The following MMP16 variants were observed in gnomAD, a reference collection of about 807,000 sequenced individuals.
MMP16 encodes matrix metallopeptidase 16.
Under a neutral mutation model 67.8 loss-of-function variants are expected in MMP16, and 12 were observed. That is an observed-to-expected ratio of 0.18 (90% confidence interval 0.11 to 0.29). The LOEUF (loss-of-function observed/expected upper bound fraction) is 0.29. MMP16 is among the 10% of genes least tolerant of loss of function. The pLI, the probability that MMP16 is intolerant of heterozygous loss-of-function variation, is 1.00. For missense variants in MMP16, 475 were observed against 765.7 expected (o/e 0.62, Z 4.48); for synonymous variants, 249 against 255.9 (o/e 0.97, Z 0.26).
chr8:88,205,519 T>C (rs1283534949), intron 1 of MMP16, among the ~76,000 whole-genome samples: 1 of 152,190 alleles, frequency 6.6e-6, no homozygotes, highest in Non-Finnish European at 1.5e-5. Context: ...GCTTCTCTAA[T>C]TGCCAGTGCA....
At chr8:88,316,828 G>A (rs1811381873) in intron 1 of MMP16, among the ~76,000 whole-genome samples, 1 of 152,064 alleles carries the variant, frequency 6.6e-6, no homozygotes, top group African/African-American at 2.4e-5. Context: ...AAAACCTTCT[G>A]TAAAAGATTC....
chr8:88,269,276 T>C lies in MMP16; in HGVS notation c.132+57799A>G, dbSNP rs191000467. Among the ~76,000 whole-genome samples, 392 of 152,268 alleles carry C rather than the reference T, an allele frequency of 2.6e-3. 4 individuals carry two copies. In the Middle Eastern group the frequency reaches 0.031, roughly 12 times the overall value. ...TAAGGCATGTAAACCGGAGCACCAT[T>C]TACCCTGTTAAGGACACCATGGCCT... On this transcript the variant is annotated intron_variant, in intron 1 of 9. Transcript: ENST00000286614.
intron 1 of MMP16, among the ~76,000 whole-genome samples, chr8:88,303,233 A>G (rs761776837): frequency 1.3e-4 from 20 of 152,132 alleles, no homozygotes; most frequent in Non-Finnish European, 8.8e-5. Flanking sequence ...TAAGGGCCCC[A>G]CTTCCATAGC....
At chr8:88,160,963 G>A (rs560331545) in intron 4 of MMP16, among the ~76,000 whole-genome samples, 3 of 152,228 alleles carry the variant, frequency 2.0e-5, no homozygotes, top group African/African-American at 7.2e-5. Context: ...ATTTTATTGA[G>A]GATTTTTGCA....
At chr8:88,226,905 TATTTATTC>T (rs968819805) in intron 1 of MMP16, among the ~76,000 whole-genome samples, 8 of 150,366 alleles carry the variant, frequency 5.3e-5, no homozygotes, top group Non-Finnish European at 1.0e-4. Flanking sequence ...TTTATTTATT[TATTTATTC>T]TCTCGGAAAT....
At chr8:88,183,535 T>C (rs140334417) in intron 3 of MMP16, among the ~76,000 whole-genome samples, 2 of 152,270 alleles carry the variant, frequency 1.3e-5, no homozygotes, top group Admixed American at 1.3e-4. Context: ...CATCTTTTAC[T>C]TCCTTTTCTT....
rs147713516 is a variant in MMP16 at position 88,324,158 on chromosome 8, T to C, written c.132+2917A>G. On this transcript the variant is annotated intron_variant, in intron 1 of 9. Coordinates refer to ENST00000286614, the MANE Select transcript of MMP16 (RefSeq NM_005941.5). Reference sequence around the variant, plus strand: ...TCTTCCATAGTACTACTCCTGGTAGTGTCTGACCCTTTCTTAGCTGTAAGA... The same window carrying C: ...TCTTCCATAGTACTACTCCTGGTAGCGTCTGACCCTTTCTTAGCTGTAAGA... 2.2e-4 allele frequency among the ~76,000 whole-genome samples: 33 copies of C among 152,286 alleles called. No individual in the cohort carries two copies. The East Asian group carries it at 3.5e-3, about 16-fold the overall frequency.
chr8:88,092,341 T>A (rs1296606787), intron 6 of MMP16, among the ~76,000 whole-genome samples: 1 of 151,932 alleles, frequency 6.6e-6, no homozygotes, highest in Non-Finnish European at 1.5e-5. Flanking sequence ...CGTTCCTTTA[T>A]CTGTTTAAAC....
chr8:88,073,226 G>A lies in MMP16; in HGVS notation c.1222+1379C>T, dbSNP rs529608655. ...TCACTAAAATTCACAGCCTTTAGGT[G>A]GTATCCTTGCTTTGTCCACTGTGGT... On this transcript the variant is annotated intron_variant, in intron 7 of 9. Coordinates refer to ENST00000286614, the MANE Select transcript of MMP16 (RefSeq NM_005941.5). Among the ~76,000 whole-genome samples, 331 of 152,146 alleles carry A rather than the reference G, an allele frequency of 2.2e-3. 2 individuals are homozygous for A. Among genetic ancestry groups the A allele is most frequent in the Middle Eastern group, 3.2e-3 (1 of 316 alleles).
intron 4 of MMP16, among the ~76,000 whole-genome samples, chr8:88,149,132 C>T (rs199654646): frequency 1.3e-5 from 2 of 152,188 alleles, no homozygotes; most frequent in Non-Finnish European, 2.9e-5. Flanking sequence ...CACTCCCACC[C>T]GAATATTGCG....
intron 6 of MMP16, among the ~76,000 whole-genome samples, chr8:88,112,397 T>A (rs962598414): frequency 1.6e-4 from 24 of 151,760 alleles, no homozygotes; most frequent in Non-Finnish European, 3.4e-4. Flanking sequence ...AATGTTCTTA[T>A]CTTGTAGTCC....
chr8:88,259,699 G>C (rs181671218), intron 1 of MMP16, among the ~76,000 whole-genome samples: 22 of 152,114 alleles, frequency 1.4e-4, no homozygotes, highest in Admixed American at 1.4e-3. Context: ...GTTAACAACG[G>C]AACACTGATT....
Position 88,327,289 on chromosome 8 carries a change from A to C in MMP16, c.-83T>G. 2 of 1,528,016 alleles carry C rather than the reference A, an allele frequency of 1.3e-6. No individual in the cohort carries two copies. The highest frequency in any genetic ancestry group is 1.8e-6 in the Non-Finnish European group (2 of 1,120,058). 94.7% of individuals were successfully genotyped at this position (1,528,016 alleles called of 1,614,324 possible). ...CTCCCTCCCTCCCTCGTTTCCTTTC[A>C]AAAAAAAGTCCTCCGGGTGGGTAAG... On this transcript the variant is annotated 5_prime_UTR_variant, in exon 1 of 10. Coordinates refer to ENST00000286614, the MANE Select transcript of MMP16 (RefSeq NM_005941.5).
chr8:88,184,481 T>C (rs1809034304), intron 3 of MMP16, among the ~76,000 whole-genome samples: 1 of 143,318 alleles, frequency 7.0e-6, no homozygotes, highest in South Asian at 2.2e-4. Context: ...GTAATCTCTG[T>C]GCTTTGGAAA....
chr8:88,117,426 T>C (rs1275078229), intron 5 of MMP16, among the ~76,000 whole-genome samples: 1 of 152,136 alleles, frequency 6.6e-6, no homozygotes, highest in Non-Finnish European at 1.5e-5. Flanking sequence ...AAGAGATTCA[T>C]GTTTTTAAAA....
chr8:88,248,616 T>C (rs1396194362), intron 1 of MMP16, among the ~76,000 whole-genome samples: 1 of 152,038 alleles, frequency 6.6e-6, no homozygotes, highest in East Asian at 1.9e-4. Flanking sequence ...TCATGGCTTC[T>C]AGTGCCTCCA....
intron 8 of MMP16, among the ~76,000 whole-genome samples, chr8:88,050,337 A>C (rs1808254436): frequency 6.6e-6 from 1 of 152,120 alleles, no homozygotes; most frequent in African/African-American, 2.4e-5. Context: ...AATAATAATA[A>C]ATAAAATTTG....
Position 88,238,412 on chromosome 8 carries a change from T to C in MMP16, c.133-41106A>G, listed in dbSNP as rs1358676661. Among the ~76,000 whole-genome samples the C allele has an allele frequency of 2.6e-5, 4 of 151,844 alleles. No individual in the cohort carries two copies. In the South Asian group the frequency reaches 8.4e-4, roughly 32 times the overall value. Reference sequence around the variant, plus strand: ...GTGGCTTGCATCTGTAATCCCAGCATTTTGGGAGGCCGAGGTGGGTGGATC... The same window carrying C: ...GTGGCTTGCATCTGTAATCCCAGCACTTTGGGAGGCCGAGGTGGGTGGATC... On this transcript the variant is annotated intron_variant, in intron 1 of 9. Coordinates refer to ENST00000286614, the MANE Select transcript of MMP16 (RefSeq NM_005941.5).
rs1348523586 is a variant in MMP16 at position 88,065,681 on chromosome 8, T to C, written c.1222+8924A>G. Among the ~76,000 whole-genome samples the C allele has an allele frequency of 2.0e-5, 3 of 152,094 alleles. No individual in the cohort carries two copies. In the East Asian group the frequency reaches 5.8e-4, roughly 29 times the overall value. ...TCACCTATTTATAGAAAATGTTTCT[T>C]TTACGTTACCTATTTATTGTACTAT... On this transcript the variant is annotated intron_variant, in intron 7 of 9. Transcript: ENST00000286614.
Sources: gnomAD v4.1 joint callset for allele counts (sites outside exome capture counted in the v4.1 genomes callset) on GRCh38, gnomAD v4.1.1 for gene constraint, MANE v1.5 for transcripts, NCBI Gene and HGNC (gene_info 2026-07-23, HGNC 2026-07-21) for gene names.